LRRC8A: variants seen among roughly 807,000 people sequenced by gnomAD.
LRRC8A encodes volume-regulated anion channel subunit LRRC8A.
In LRRC8A, 24 loss-of-function variants were observed where a neutral mutation model predicts 52.5. That is an observed-to-expected ratio of 0.46 (90% CI 0.33 to 0.64). The LOEUF is 0.64. Ranked by LOEUF, LRRC8A falls within the 30% of genes least tolerant of loss-of-function variation. The pLI, the probability that LRRC8A is intolerant of heterozygous loss-of-function variation, is 0.02. For synonymous variants in LRRC8A, 492 were observed against 494.2 expected, an observed-to-expected ratio of 1.00 and a Z score of 0.06; for missense variants, 677 against 1,094.7, an observed-to-expected ratio of 0.62 and a Z score of 5.38.
At chr9:128,914,316 C>T (rs1004578631) in intron 3 of LRRC8A, among the ~76,000 whole-genome samples, 23 of 151,736 alleles carry the variant, frequency 1.5e-4, no homozygotes, top group African/African-American at 5.6e-4. Flanking sequence ...CTTCTCTAAA[C>T]GCGGCTGGAG....
chr9:128,891,229 G>A (rs1357126178), intron 2 of LRRC8A, among the ~76,000 whole-genome samples: 1 of 152,038 alleles, frequency 6.6e-6, no homozygotes, highest in Non-Finnish European at 1.5e-5. Context: ...CCGAGATTGT[G>A]CCACTGCACT....
At chr9:128,895,675 A>C (rs1196026327) in intron 2 of LRRC8A, among the ~76,000 whole-genome samples, 1 of 150,330 alleles carries the variant, frequency 6.7e-6, no homozygotes, top group African/African-American at 2.5e-5. Context: ...GGGGCAGGGC[A>C]GGACCAGGTA....
intron 2 of LRRC8A, among the ~76,000 whole-genome samples, chr9:128,906,052 G>T (rs1223881008): frequency 6.6e-6 from 1 of 152,196 alleles, no homozygotes; most frequent in Admixed American, 6.5e-5. Flanking sequence ...GCTCCCCTAG[G>T]AGCCTGTCAT....
chr9:128,894,792 CA>C (rs34427753), intron 2 of LRRC8A, among the ~76,000 whole-genome samples: 116,377 of 123,552 alleles, frequency 0.94, 54,729 homozygotes, highest in Non-Finnish European at 0.96. Flanking sequence ...GACTCTACCT[CA>C]AAAAAAAAAA....
intron 2 of LRRC8A, among the ~76,000 whole-genome samples, chr9:128,901,885 C>G (rs985510059): frequency 1.3e-5 from 2 of 152,230 alleles, no homozygotes; most frequent in African/African-American, 4.8e-5. Flanking sequence ...GAACTCAACC[C>G]TGGATTTGGT....
intron 2 of LRRC8A, among the ~76,000 whole-genome samples, chr9:128,894,908 G>A (rs1420244478): frequency 6.6e-6 from 1 of 151,680 alleles, no homozygotes; most frequent in African/African-American, 2.4e-5. Flanking sequence ...ATGGTATTAA[G>A]TACATTCATA....
rs750699768 is a variant in LRRC8A, at chr9:128,909,032, A to G, written c.1868A>G (p.Asp623Gly). The G allele has an allele frequency of 6.2e-7, 1 of 1,614,126 alleles. No individual in the cohort carries two copies. Among genetic ancestry groups the G allele is most frequent in the South Asian group, 1.1e-5 (1 of 91,082 alleles). Residue 623 changes from aspartate to glycine, a missense_variant, in exon 3 of 4, where the codon GAC becomes GGC. By Grantham distance (94) the Asp-to-Gly change is moderately conservative. This residue lies in a region of LRRC8A where 422 missense variants were observed against 741.5 expected (regional missense o/e 0.57). Coordinates refer to ENST00000372600, the MANE Select transcript of LRRC8A (RefSeq NM_019594.4). Reference protein sequence around the residue: ...LHNLQEIDLKDNNLKTIEEII... With the variant: ...LHNLQEIDLKGNNLKTIEEII... ...AACCTGCAGGAGATTGACCTCAAGG[A>G]CAACAACCTCAAGACCATCGAGGAG...
chr9:128,899,526 CGGTTTCCGT>C lies in LRRC8A; in HGVS notation c.-8-7626_-8-7618del, dbSNP rs113346188. Among the ~76,000 whole-genome samples, 11 of 151,866 alleles carry C rather than the reference CGGTTTCCGT, an allele frequency of 7.2e-5. No individual in the cohort carries two copies. Among genetic ancestry groups the C allele is most frequent in the African/African-American group, 2.4e-4 (10 of 41,388 alleles). On this transcript the variant is annotated intron_variant, in intron 2 of 3. Coordinates refer to ENST00000372600, the MANE Select transcript of LRRC8A (RefSeq NM_019594.4). The surrounding 1 kb of genome is among the most constrained non-coding windows in gnomAD (Gnocchi z 4.0). ...GGGCAGAAGACTTCTGTCTCTGAGC[CGGTTTCCGT>C]GGTTATAAAATGGACACCTTAAAAA...
At chr9:128,884,307 A>G (rs1839301956) in intron 1 of LRRC8A, among the ~76,000 whole-genome samples, 1 of 152,202 alleles carries the variant, frequency 6.6e-6, no homozygotes, top group African/African-American at 2.4e-5. Context: ...ACTGAGGCAC[A>G]CACTGATGGG....
chr9:128,883,789 A>G (rs900420910), intron 1 of LRRC8A, among the ~76,000 whole-genome samples: 7 of 152,216 alleles, frequency 4.6e-5, no homozygotes, highest in Admixed American at 4.6e-4. Context: ...CCTGGCCAAC[A>G]TAGTGAAACC....
In LRRC8A at chr9:128,907,296, G is replaced by A. The variant is rs370272718; in HGVS notation, c.132G>A (p.Thr44=). The change falls in exon 3 of 4, where the codon ACG becomes ACA. Residue 44 remains threonine, a synonymous_variant. Transcript: ENST00000372600. This position sits in a 1 kb window ranked among gnomAD's most constrained non-coding sequence, Gnocchi z 9.3. ...TGATGATTGCCGTCTTCGGGGGGACGCTGCAGGTCACCCAAGACAAGATGA... is the reference window on the plus strand; with the variant it reads ...TGATGATTGCCGTCTTCGGGGGGACACTGCAGGTCACCCAAGACAAGATGA... ...VMLMIAVFGG[T]LQVTQDKMIC... The A allele has an allele frequency of 5.6e-6, 9 of 1,613,880 alleles. No individual in the cohort carries two copies. Among genetic ancestry groups the A allele is most frequent in the East Asian group, 2.2e-5 (1 of 44,890 alleles).
chr9:128,897,661 C>T (rs1185450225), intron 2 of LRRC8A, among the ~76,000 whole-genome samples: 1 of 152,068 alleles, frequency 6.6e-6, no homozygotes, highest in Non-Finnish European at 1.5e-5. Context: ...TGTCCTGCCT[C>T]AGCCTTCCAA....
At position 128,892,413 on chromosome 9, in the gene LRRC8A, G is replaced by A. The variant is rs1473352558; in HGVS notation, c.-9+6292G>A. ...GCGGGCCACGCCCTTGCAAGTTGGT[G>A]TGAGGATGAACCTGTTTGGGAGCCC... is the stretch of plus-strand genomic sequence containing the variant. On this transcript the variant is annotated intron_variant, in intron 2 of 3. Coordinates refer to ENST00000372600, the MANE Select transcript of LRRC8A (RefSeq NM_019594.4). The surrounding 1 kb of genome is among the most constrained non-coding windows in gnomAD (Gnocchi z 5.2). Among the ~76,000 whole-genome samples the A allele has an allele frequency of 6.6e-6, 1 of 152,176 alleles. No individual in the cohort carries two copies. The highest frequency in any genetic ancestry group is 1.5e-5 in the Non-Finnish European group (1 of 68,014).
At position 128,883,369 on chromosome 9, in the gene LRRC8A, G is replaced by C. The variant is rs149468469; in HGVS notation, c.-116+1119G>C. On this transcript the variant is annotated intron_variant, in intron 1 of 3. Transcript: ENST00000372600. The stretch of plus-strand genomic sequence containing the variant: ...AGCAGACAACCTGGCAGACAGACAG[G>C]CTGTAAGAAGCGGGAGGAGATCGGC... Among the ~76,000 whole-genome samples, 631 of 152,352 alleles carry C rather than the reference G, an allele frequency of 4.1e-3. 13 individuals carry two copies. Among genetic ancestry groups the C allele is most frequent in the East Asian group, 0.041 (215 of 5,192 alleles).
At chr9:128,896,506 A>G (rs957990019) in intron 2 of LRRC8A, among the ~76,000 whole-genome samples, 12 of 152,158 alleles carry the variant, frequency 7.9e-5, no homozygotes, top group Non-Finnish European at 1.5e-4. Flanking sequence ...GTTTTTGCCA[A>G]TTGGGGGAGT....
At chr9:128,884,337 C>G (rs1300631250) in intron 1 of LRRC8A, among the ~76,000 whole-genome samples, 2 of 152,180 alleles carry the variant, frequency 1.3e-5, no homozygotes, top group East Asian at 3.8e-4. Flanking sequence ...CTTGGAGATT[C>G]AGGTGGGATG....
chr9:128,903,114 G>A (rs1840091936), intron 2 of LRRC8A, among the ~76,000 whole-genome samples: 1 of 152,136 alleles, frequency 6.6e-6, no homozygotes, highest in Admixed American at 6.5e-5. Flanking sequence ...GGGGGATGTT[G>A]GCAGGTGATG....
chr9:128,891,020 C>T (rs991595832), intron 2 of LRRC8A, among the ~76,000 whole-genome samples: 2 of 151,596 alleles, frequency 1.3e-5, no homozygotes, highest in Non-Finnish European at 1.5e-5. Context: ...CACAGTGGCT[C>T]AGCACTTTGG....
chr9:128,888,290 C>G (rs573557236), intron 2 of LRRC8A, among the ~76,000 whole-genome samples: 3 of 152,136 alleles, frequency 2.0e-5, no homozygotes, highest in South Asian at 2.1e-4. Flanking sequence ...ATAATTCCTC[C>G]TTTTTGCCAA....
Sources: gnomAD v4.1 joint callset for allele counts (sites outside exome capture counted in the v4.1 genomes callset) on GRCh38, gnomAD v4.1.1 for gene constraint, gnomAD v4.1.1 regional missense constraint, Gnocchi (gnomAD v3.1) non-coding constraint, MANE v1.5 for transcripts, NCBI Gene and HGNC (gene_info 2026-07-23, HGNC 2026-07-21) for gene names.